RBFOX1: variants seen among roughly 807,000 people sequenced by gnomAD.
RBFOX1 encodes the protein RNA binding fox-1 homolog 1.
RBFOX1 carries 8 observed loss-of-function variants against 57.7 expected under a neutral mutation model. The ratio of observed to expected loss-of-function variants is 0.14; its 90% CI spans 0.08 to 0.25. The LOEUF is 0.25. RBFOX1 is among the 10% of genes least tolerant of loss of function. The pLI is 1.00. For missense variants in RBFOX1, 611 were observed against 548.5 expected (o/e 1.11, Z -1.14); for synonymous variants, 326 against 222.4 (o/e 1.47, Z -4.15).
chr16:6,350,278 A>C (rs1856900803), intron 2 of RBFOX1, among the ~76,000 whole-genome samples: 1 of 151,790 alleles, frequency 6.6e-6, no homozygotes, highest in South Asian at 2.1e-4. Flanking sequence ...CTCTACTAAA[A>C]ATACAAAATT....
At chr16:6,859,576 C>T (rs2058648119) in intron 3 of RBFOX1, among the ~76,000 whole-genome samples, 1 of 151,886 alleles carries the variant, frequency 6.6e-6, no homozygotes, top group South Asian at 2.1e-4. Flanking sequence ...TTAGATGAGC[C>T]ACACTTTGTA....
chr16:6,625,052 C>T (rs1047353113), intron 2 of RBFOX1, among the ~76,000 whole-genome samples: 1 of 147,054 alleles, frequency 6.8e-6, no homozygotes, highest in Admixed American at 7.0e-5. Context: ...ATAATCCCAG[C>T]TGTTTGGGAG....
chr16:7,571,063 C>T (rs1003959157), intron 5 of RBFOX1, among the ~76,000 whole-genome samples: 2 of 152,162 alleles, frequency 1.3e-5, no homozygotes, highest in Admixed American at 6.5e-5. Flanking sequence ...AGGGGAACAA[C>T]ACACACTGGG....
chr16:7,438,051 A>T (rs2098736920), intron 4 of RBFOX1, among the ~76,000 whole-genome samples: 1 of 152,182 alleles, frequency 6.6e-6, no homozygotes, highest in Non-Finnish European at 1.5e-5. Flanking sequence ...GTCTCATTGT[A>T]TTTAAAATTA....
intron 2 of RBFOX1, among the ~76,000 whole-genome samples, chr16:6,554,813 C>G (rs181489856): frequency 0.02 from 2,576 of 131,832 alleles, 88 homozygotes; most frequent in African/African-American, 0.09. Context: ...GATAAACACA[C>G]AGACACACAG....
At chr16:5,940,599 C>G (rs2059259602) in intron 4 of RBFOX1, among the ~76,000 whole-genome samples, 1 of 152,192 alleles carries the variant, frequency 6.6e-6, no homozygotes, top group Non-Finnish European at 1.5e-5. Flanking sequence ...AATCAGGGCT[C>G]TCAGAACAGC....
intron 3 of RBFOX1, among the ~76,000 whole-genome samples, chr16:5,836,401 A>G (rs139899348): frequency 1.7e-4 from 26 of 152,270 alleles, no homozygotes; most frequent in Non-Finnish European, 3.2e-4. Flanking sequence ...ATGATCCTCA[A>G]CAGGTCCTAA....
At chr16:6,157,140 A>G (rs1441499230) in intron 1 of RBFOX1, among the ~76,000 whole-genome samples, 1 of 151,988 alleles carries the variant, frequency 6.6e-6, no homozygotes, top group Non-Finnish European at 1.5e-5. Context: ...TCTAATATAA[A>G]TAAATCATTT....
intron 3 of RBFOX1, among the ~76,000 whole-genome samples, chr16:6,990,134 G>A (rs372194515): frequency 2.0e-5 from 3 of 152,124 alleles, no homozygotes; most frequent in East Asian, 1.9e-4. Context: ...ACTAGTAAAC[G>A]TGCCCAACAC....
At chr16:6,050,769 A>G (rs2095544103) in intron 1 of RBFOX1, among the ~76,000 whole-genome samples, 1 of 152,018 alleles carries the variant, frequency 6.6e-6, no homozygotes. Context: ...AAATACAGGA[A>G]AAATGCTTGA....
rs192406506 is a variant in RBFOX1 at position 7,001,216 on chromosome 16, C to G, written c.-15-50841C>G. Among the ~76,000 whole-genome samples the G allele has an allele frequency of 8.9e-4, 136 of 152,152 alleles. 1 individual carries two copies. Among genetic ancestry groups the G allele is most frequent in the African/African-American group, 3.2e-3 (131 of 41,520 alleles). On this transcript the variant is annotated intron_variant, in intron 3 of 15. Coordinates refer to ENST00000550418, the MANE Select transcript of RBFOX1 (RefSeq NM_018723.4). The stretch of plus-strand genomic sequence containing the variant: ...ATCATTCTAAATGTCCATTCTGAAG[C>G]TCTGTTGTTGGCCAGTGGGAATGTC...
At chr16:7,056,368 T>C (rs1444430532) in intron 4 of RBFOX1, among the ~76,000 whole-genome samples, 2 of 152,144 alleles carry the variant, frequency 1.3e-5, no homozygotes, top group Non-Finnish European at 2.9e-5. Context: ...GCAATTCACA[T>C]TATTGGCTGG....
At chr16:7,351,105 G>A (rs922220083) in intron 4 of RBFOX1, among the ~76,000 whole-genome samples, 2 of 152,202 alleles carry the variant, frequency 1.3e-5, no homozygotes, top group African/African-American at 4.8e-5. Context: ...AAGTAGAGAA[G>A]GCCCCTTGGG....
chr16:7,673,260 C>G (rs2072173001), intron 13 of RBFOX1, among the ~76,000 whole-genome samples: 1 of 152,142 alleles, frequency 6.6e-6, no homozygotes, highest in Non-Finnish European at 1.5e-5. Context: ...CTCTGAGATG[C>G]CTTGGAGGTC....
intron 3 of RBFOX1, among the ~76,000 whole-genome samples, chr16:7,012,829 A>G (rs2093716044): frequency 6.6e-6 from 1 of 152,184 alleles, no homozygotes; most frequent in Admixed American, 6.5e-5. Flanking sequence ...TGCCATAACA[A>G]AATGCCGTAG....
chr16:5,700,219 T>C (rs2050995979), intron 3 of RBFOX1, among the ~76,000 whole-genome samples: 1 of 152,220 alleles, frequency 6.6e-6, no homozygotes, highest in Non-Finnish European at 1.5e-5. Context: ...ATGCAAACTA[T>C]TCGATCAATT....
intron 4 of RBFOX1, chr16:7,431,075 C>G (rs1451591378): frequency 1.3e-5 from 2 of 152,188 alleles, no homozygotes; most frequent in African/African-American, 2.4e-5. Context: ...ACAGGCAGCA[C>G]CAGCTTTTCC....
At chr16:5,665,189 G>C (rs571318703) in intron 3 of RBFOX1, among the ~76,000 whole-genome samples, 1 of 151,448 alleles carries the variant, frequency 6.6e-6, no homozygotes, top group South Asian at 2.1e-4. Context: ...GGGCTCAGGC[G>C]ATCCTCCCAC....
intron 4 of RBFOX1, among the ~76,000 whole-genome samples, chr16:7,368,819 C>T (rs1027096923): frequency 9.2e-5 from 14 of 151,604 alleles, no homozygotes; most frequent in Non-Finnish European, 2.1e-4. Flanking sequence ...GAGTGTATGT[C>T]CTTCTACAGT....
Sources: allele counts gnomAD v4.1 joint callset (sites outside exome capture counted in the v4.1 genomes callset), GRCh38; gene constraint gnomAD v4.1.1; transcripts MANE v1.5; gene names NCBI Gene and HGNC (gene_info 2026-07-23, HGNC 2026-07-21).